The following ROBO2 variants were observed in gnomAD, a reference collection of about 807,000 sequenced individuals.
The protein encoded by ROBO2 is roundabout homolog 2.
Under a neutral mutation model 160.8 loss-of-function variants are expected in ROBO2, and 53 were observed. That is an observed-to-expected ratio of 0.33 (90% CI 0.26 to 0.41). The LOEUF is 0.41. Among genes scored for constraint, ROBO2 ranks in the 10% least tolerant of loss-of-function variants. The pLI is 1.00. For missense variants in ROBO2, 1,577 were observed against 1,722.4 expected (o/e 0.92, Z 1.49); for synonymous variants, 664 against 611.7 (o/e 1.09, Z -1.26).
At chr3:76,729,610 A>T (rs1285124619) in intron 2 of ROBO2, among the ~76,000 whole-genome samples, 1 of 150,852 alleles carries the variant, frequency 6.6e-6, no homozygotes, top group Non-Finnish European at 1.5e-5. Context: ...TGTTGAGTAC[A>T]CATGTATTTC....
intron 2 of ROBO2, among the ~76,000 whole-genome samples, chr3:77,271,640 C>G (rs373932790): frequency 6.6e-6 from 1 of 152,226 alleles, no homozygotes; most frequent in East Asian, 1.9e-4. Flanking sequence ...TGTCCCTGTA[C>G]AAAAGATAAT....
intron 2 of ROBO2, among the ~76,000 whole-genome samples, chr3:76,612,384 T>C (rs1281423399): frequency 1.3e-5 from 2 of 152,066 alleles, no homozygotes; most frequent in East Asian, 3.9e-4. Context: ...TATATCGGGG[T>C]CTATCTCTCT....
chr3:76,009,343 T>C (rs2107604261), intron 2 of ROBO2, among the ~76,000 whole-genome samples: 1 of 152,230 alleles, frequency 6.6e-6, no homozygotes, highest in East Asian at 1.9e-4. Context: ...GACCTCGTGA[T>C]CCTCGCACCT....
chr3:76,301,000 C>T (rs569737409), intron 2 of ROBO2, among the ~76,000 whole-genome samples: 1 of 152,154 alleles, frequency 6.6e-6, no homozygotes, highest in East Asian at 1.9e-4. Flanking sequence ...CTGTGAACAG[C>T]TGCCAGATGA....
rs147308707 is a variant in ROBO2 at position 76,478,019 on chromosome 3, TTTATTA to T, written c.109+540437_109+540442del. Among the ~76,000 whole-genome samples the T allele has an allele frequency of 2.1e-4, 32 of 148,980 alleles. 1 individual carries two copies. Among genetic ancestry groups the T allele is most frequent in the Middle Eastern group, 7.0e-3 (2 of 284 alleles). On this transcript the variant is annotated intron_variant, in intron 2 of 26. Coordinates refer to the ROBO2 transcript ENST00000487694. ...CAATCAGATAAGTAGCCGCTACTTC[TTTATTA>T]TTATTATTATTATTATTATACTTTA... is the stretch of plus-strand genomic sequence containing the variant.
intron 2 of ROBO2, among the ~76,000 whole-genome samples, chr3:77,019,420 A>G (rs1319299311): frequency 2.6e-5 from 4 of 152,164 alleles, no homozygotes; most frequent in Admixed American, 1.3e-4. Context: ...ATAACATCAC[A>G]TTGGGAATTA....
chr3:76,579,145 T>C (rs549477488), intron 2 of ROBO2, among the ~76,000 whole-genome samples: 8 of 152,248 alleles, frequency 5.3e-5, no homozygotes, highest in African/African-American at 1.9e-4. Flanking sequence ...CTCTGATCCT[T>C]CCTCCACAAA....
chr3:76,995,774 G>C (rs1039727502), intron 2 of ROBO2, among the ~76,000 whole-genome samples: 4 of 151,944 alleles, frequency 2.6e-5, no homozygotes, highest in East Asian at 1.9e-4. Flanking sequence ...TGTTCATATC[G>C]TTTGCCCACT....
chr3:76,638,818 C>T (rs993865180), intron 2 of ROBO2, among the ~76,000 whole-genome samples: 2 of 152,014 alleles, frequency 1.3e-5, no homozygotes, highest in African/African-American at 4.8e-5. Context: ...ATGATTGATT[C>T]AGATCATTTC....
intron 2 of ROBO2, among the ~76,000 whole-genome samples, chr3:77,237,183 C>CTTTTTTTTT (rs34992972): frequency 2.8e-4 from 30 of 106,972 alleles, no homozygotes; most frequent in Non-Finnish European, 4.4e-4. Flanking sequence ...CTTGACCTTT[C>CTTTTTTTTT]TTTTTTTTTT....
chr3:76,195,952 G>A (rs1702241282), intron 2 of ROBO2, among the ~76,000 whole-genome samples: 1 of 152,050 alleles, frequency 6.6e-6, no homozygotes, highest in Admixed American at 6.6e-5. Flanking sequence ...TCATGATGGG[G>A]ACCTAGAACC....
intron 2 of ROBO2, among the ~76,000 whole-genome samples, chr3:76,970,201 C>T (rs919961674): frequency 4.6e-5 from 7 of 152,138 alleles, no homozygotes; most frequent in Non-Finnish European, 7.4e-5. Flanking sequence ...TATTTATCCA[C>T]GTTGTCATTT....
At chr3:75,916,234 A>G (rs1946803193) in intron 1 of ROBO2, among the ~76,000 whole-genome samples, 2 of 152,298 alleles carry the variant, frequency 1.3e-5, no homozygotes, top group Admixed American at 6.5e-5. Context: ...ATCTTCGTTC[A>G]CCTTGGTAGA....
In ROBO2 at chr3:76,044,465, T is replaced by C. The variant is rs140366913; in HGVS notation, c.109+106863T>C. Among the ~76,000 whole-genome samples, 57 of 152,182 alleles carry C rather than the reference T, an allele frequency of 3.7e-4. No individual in the cohort carries two copies. In the East Asian group the frequency reaches 0.011, roughly 29 times the overall value. On this transcript the variant is annotated intron_variant, in intron 2 of 26. Transcript: ENST00000487694. ...GTGACATTCACTACTTTTTTTGTTA[T>C]TATTGTAAAGATTTCTGTGAGAATG...
chr3:76,184,542 GAGATAGAT>G (rs78271272), intron 2 of ROBO2, among the ~76,000 whole-genome samples: 36,001 of 146,208 alleles, frequency 0.25, 4,538 homozygotes, highest in Middle Eastern at 0.35. Context: ...GAACAAATAG[GAGATAGAT>G]AGATAGATAG....
intron 2 of ROBO2, among the ~76,000 whole-genome samples, chr3:76,104,455 G>A (rs552652102): frequency 6.6e-6 from 1 of 152,284 alleles, no homozygotes; most frequent in African/African-American, 2.4e-5. Flanking sequence ...CTTGAAATAA[G>A]CAACTGTGGC....
chr3:77,252,831 A>AAAAAAAAAATATAT, intron 2 of ROBO2, among the ~76,000 whole-genome samples: 2 of 12,518 alleles, frequency 1.6e-4, no homozygotes, highest in African/African-American at 3.2e-4. Context: ...AAAAAAAAAA[A>AAAAAAAAAATATAT]ATATATATAT....
intron 2 of ROBO2, among the ~76,000 whole-genome samples, chr3:76,193,221 A>G (rs965896008): frequency 3.9e-5 from 6 of 152,142 alleles, no homozygotes; most frequent in Non-Finnish European, 7.4e-5. Context: ...TCCTACTCCC[A>G]TGGCACCAAT....
At chr3:76,630,003 C>T (rs892068728) in intron 2 of ROBO2, among the ~76,000 whole-genome samples, 10 of 152,164 alleles carry the variant, frequency 6.6e-5, no homozygotes, top group African/African-American at 2.4e-4. Flanking sequence ...TCAGGTGGCA[C>T]CCGTTCCCTG....
Sources: gnomAD v4.1 joint callset for allele counts (sites outside exome capture counted in the v4.1 genomes callset) on GRCh38, gnomAD v4.1.1 for gene constraint, MANE v1.5 for transcripts, NCBI Gene and HGNC (gene_info 2026-07-23, HGNC 2026-07-21) for gene names.